Variants in HIBCH observed in about 807,000 individuals in gnomAD.
HIBCH encodes 3-hydroxyisobutyryl-CoA hydrolase, also known as 3-hydroxyisobutyryl-CoA hydrolase, mitochondrial.
HIBCH carries 50 observed loss-of-function variants against 58.2 expected under a neutral mutation model. The observed-to-expected ratio is 0.86, with a 90% confidence interval of 0.68 to 1.09. HIBCH has a LOEUF of 1.09. HIBCH is among the 50% of genes least tolerant of loss of function. The pLI is 0.00. For missense variants in HIBCH, 450 were observed against 449.7 expected (o/e 1.00, Z -0.01); for synonymous variants, 151 against 146.9 (o/e 1.03, Z -0.20).
intron 12 of HIBCH, among the ~76,000 whole-genome samples, chr2:190,212,302 G>C (rs1690531402): frequency 6.6e-6 from 1 of 152,054 alleles, no homozygotes; most frequent in Non-Finnish European, 1.5e-5. Context: ...CATTAGGAAT[G>C]TCTCCTTTCT....
chr2:190,298,098 T>C (rs1232492488), intron 2 of HIBCH, among the ~76,000 whole-genome samples: 5 of 152,252 alleles, frequency 3.3e-5, no homozygotes, highest in South Asian at 2.1e-4. Flanking sequence ...TTCTTTTTCA[T>C]GGCTGCATAG....
intron 6 of HIBCH, among the ~76,000 whole-genome samples, chr2:190,284,908 C>T (rs556340079): frequency 5.9e-5 from 9 of 152,212 alleles, no homozygotes; most frequent in Middle Eastern, 6.8e-3. Flanking sequence ...TTCATTATAT[C>T]TGATCATCAT....
At chr2:190,303,742 A>C (rs565452894) in intron 2 of HIBCH, among the ~76,000 whole-genome samples, 14 of 152,362 alleles carry the variant, frequency 9.2e-5, no homozygotes, top group Admixed American at 7.2e-4. Flanking sequence ...TAAGCAGAGC[A>C]TGAAAGGGAA....
rs142886216 is a variant in HIBCH, at chr2:190,236,497, C to T, written c.891+8390G>A. Among the ~76,000 whole-genome samples, 14 of 152,210 alleles carry T rather than the reference C, an allele frequency of 9.2e-5. No individual in the cohort carries two copies. The East Asian group carries it at 2.7e-3, about 29-fold the overall frequency. ...TCTATAAATCATTTCCAGAAGTGTT[C>T]CGACTGACAATAAACCAATACAAAT... On this transcript the variant is annotated intron_variant, in intron 11 of 13. Coordinates refer to ENST00000359678, the MANE Select transcript of HIBCH (RefSeq NM_014362.4). This position sits in a 1 kb window ranked among gnomAD's most constrained non-coding sequence, Gnocchi z 4.1.
chr2:190,298,495 T>C (rs1688171004), intron 2 of HIBCH, among the ~76,000 whole-genome samples: 1 of 152,234 alleles, frequency 6.6e-6, no homozygotes, highest in Non-Finnish European at 1.5e-5. Context: ...ATTTCTCTAA[T>C]GACCAGTAAT....
intron 6 of HIBCH, among the ~76,000 whole-genome samples, chr2:190,264,464 C>A (rs549827790): frequency 2.6e-5 from 4 of 152,006 alleles, no homozygotes; most frequent in African/African-American, 9.7e-5. Context: ...GTCACTACAC[C>A]CTCCATCCCT....
chr2:190,265,049 G>T (rs529614123), intron 6 of HIBCH, among the ~76,000 whole-genome samples: 10 of 149,904 alleles, frequency 6.7e-5, no homozygotes, highest in African/African-American at 2.5e-4. Context: ...CTTGAACCTG[G>T]GAGGTGGAGG....
intron 7 of HIBCH, among the ~76,000 whole-genome samples, chr2:190,259,341 GTGTGTGTGTGTGTGTGTGTGTGTGTGTC>G (rs1247844389): frequency 6.7e-6 from 1 of 149,686 alleles, no homozygotes; most frequent in Non-Finnish European, 1.5e-5. Context: ...GTGTGTGTGT[GTGTGTGTGTGTGTGTGTGTGTGTGTGTC>G]TGTCTGACTG....
chr2:190,258,033 T>G (rs924629486), intron 7 of HIBCH, among the ~76,000 whole-genome samples: 10 of 152,158 alleles, frequency 6.6e-5, no homozygotes, highest in African/African-American at 2.4e-4. Flanking sequence ...CCCATTCAAA[T>G]CTCATGTTGA....
In HIBCH at chr2:190,315,348, T is replaced by C. The variant is rs1015792122; in HGVS notation, c.35+4368A>G. On this transcript the variant is annotated intron_variant, in intron 1 of 13. Transcript: ENST00000359678. This position sits in a 1 kb window ranked among gnomAD's most constrained non-coding sequence, Gnocchi z 5.4. ...ACAGTTATTCTCAAAGTATGGTTCT[T>C]GGACAAGTACCATCAACATCCCCTG... 2.0e-5 allele frequency among the ~76,000 whole-genome samples: 3 copies of C among 152,186 alleles called. No homozygotes were observed. The highest frequency in any genetic ancestry group is 4.8e-5 in the African/African-American group (2 of 41,448).
intron 5 of HIBCH, among the ~76,000 whole-genome samples, chr2:190,287,965 T>C (rs770377726): frequency 1.1e-4 from 16 of 151,966 alleles, no homozygotes; most frequent in Admixed American, 3.3e-4. Flanking sequence ...GAGACCAGCC[T>C]GAGCAATACA....
chr2:190,292,015 C>A (rs1012921402), intron 4 of HIBCH, among the ~76,000 whole-genome samples: 1 of 152,180 alleles, frequency 6.6e-6, no homozygotes, highest in African/African-American at 2.4e-5. Flanking sequence ...CAGAATCTCG[C>A]TTTGTTGCCC....
At position 190,306,929 on chromosome 2, in the gene HIBCH, T is replaced by G. The variant is rs552921579; in HGVS notation, c.78+3825A>C. Among the ~76,000 whole-genome samples the G allele has an allele frequency of 7.2e-5, 11 of 152,292 alleles. No homozygotes were observed. Among genetic ancestry groups the G allele is most frequent in the Non-Finnish European group, 1.3e-4 (9 of 68,018 alleles). On this transcript the variant is annotated intron_variant, in intron 2 of 13. Coordinates refer to ENST00000359678, the MANE Select transcript of HIBCH (RefSeq NM_014362.4). This position sits in a 1 kb window ranked among gnomAD's most constrained non-coding sequence, Gnocchi z 4.6. ...AGATAAGATGGCCAACAAGGCTGTC[T>G]ATTAACCAGGAAGCTGGCCATCACC...
intron 2 of HIBCH, among the ~76,000 whole-genome samples, chr2:190,307,025 T>C (rs1197911672): frequency 6.6e-6 from 1 of 152,164 alleles, no homozygotes; most frequent in Non-Finnish European, 1.5e-5. Flanking sequence ...TAAATTTTGT[T>C]TTTTATAAGC....
At chr2:190,228,214 T>C (rs551562223) in intron 11 of HIBCH, among the ~76,000 whole-genome samples, 1 of 152,190 alleles carries the variant, frequency 6.6e-6, no homozygotes, top group South Asian at 2.1e-4. Context: ...TGGAATACTA[T>C]GCAGCCATAA....
At chr2:190,269,831 A>G (rs1190386730) in intron 6 of HIBCH, among the ~76,000 whole-genome samples, 2 of 152,256 alleles carry the variant, frequency 1.3e-5, no homozygotes, top group African/African-American at 2.4e-5. Context: ...CCAGATGCAC[A>G]TCAATGACAG....
rs776547463 is a variant in HIBCH at position 190,217,033 on chromosome 2, G to A, written c.892-3958C>T. Among the ~76,000 whole-genome samples the A allele has an allele frequency of 5.9e-5, 9 of 152,170 alleles. No homozygotes were observed. Among genetic ancestry groups the A allele is most frequent in the Non-Finnish European group, 1.2e-4 (8 of 68,030 alleles). On this transcript the variant is annotated intron_variant, in intron 11 of 13. Transcript: ENST00000359678. The surrounding 1 kb of genome is among the most constrained non-coding windows in gnomAD (Gnocchi z 4.6). ...TGAGGGTGGAGCCAGGGATGCTTTTGCTAATGAAAGTGCCCCTCAGGAAAG... is the reference window on the plus strand; with the variant it reads ...TGAGGGTGGAGCCAGGGATGCTTTTACTAATGAAAGTGCCCCTCAGGAAAG...
downstream of HIBCH, chr2:190,200,413 C>CACTT (rs1224794395): frequency 2.8e-6 from 1 of 356,670 alleles, no homozygotes; most frequent in African/African-American, 2.1e-5. Context: ...AATGTCACAG[C>CACTT]ACTTCTTCCT....
chr2:190,229,572 A>G (rs1686027478), intron 11 of HIBCH, among the ~76,000 whole-genome samples: 1 of 152,258 alleles, frequency 6.6e-6, no homozygotes, highest in Non-Finnish European at 1.5e-5. Flanking sequence ...ATGGCAACCA[A>G]TGAAGTAATA....
Sources: gnomAD v4.1 joint callset for allele counts (sites outside exome capture counted in the v4.1 genomes callset) on GRCh38, gnomAD v4.1.1 for gene constraint, Gnocchi (gnomAD v3.1) non-coding constraint, MANE v1.5 for transcripts, NCBI Gene and HGNC (gene_info 2026-07-23, HGNC 2026-07-21) for gene names.